Variants in MLXIP observed in about 807,000 individuals in gnomAD.
MLXIP encodes the protein MLX-interacting protein.
In MLXIP, 30 loss-of-function variants were observed where a neutral mutation model predicts 87.2. The observed-to-expected ratio is 0.34, with a 90% CI of 0.26 to 0.47. The LOEUF (loss-of-function observed/expected upper bound fraction) is 0.47. Ranked by LOEUF, MLXIP falls within the 20% of genes least tolerant of loss-of-function variation. MLXIP has a pLI of 1.00. For missense variants in MLXIP, 1,002 were observed against 1,240.1 expected (o/e 0.81, Z 2.88); for synonymous variants, 530 against 514.0 (o/e 1.03, Z -0.42).
rs370691640 is a variant in MLXIP, at chr12:122,140,921, C to T, written c.2509-33C>T. On this transcript the variant is annotated intron_variant, in intron 15 of 16. Transcript: ENST00000319080. ...GGGTCTGCAGTCCCCAGCCCCTCTC[C>T]GTGCTTGCCTTTTCTTTAACCACAC... is the stretch of plus-strand genomic sequence containing the variant. The T allele has an allele frequency of 1.1e-3, 1,821 of 1,613,938 alleles. 36 individuals carry two copies. In the South Asian group the frequency reaches 0.015, roughly 13 times the overall value.
chr12:122,142,048 C>A lies in MLXIP; in HGVS notation c.*236C>A. On this transcript the variant is annotated 3_prime_UTR_variant, in exon 17 of 17. Transcript: ENST00000319080. ...TGTGAACTCTCTCACTCAGTGACCT[C>A]AGTCACCAACCTCCTCTGCCCTCGG... The A allele has an allele frequency of 1.5e-6, 1 of 672,452 alleles. No individual in the cohort carries two copies. Among genetic ancestry groups the A allele is most frequent in the Non-Finnish European group, 2.6e-6 (1 of 381,006 alleles). The allele number at this position is 672,452 out of a possible 1,614,324, so 41.7% of individuals were successfully genotyped here.
intron 1 of MLXIP, among the ~76,000 whole-genome samples, chr12:122,119,010 C>T (rs1952735920): frequency 6.6e-6 from 1 of 151,370 alleles, no homozygotes; most frequent in Non-Finnish European, 1.5e-5. Context: ...ACTAAAAATA[C>T]AAAAAATTAG....
chr12:122,096,588 C>T (rs1431713738), intron 1 of MLXIP, among the ~76,000 whole-genome samples: 2 of 152,222 alleles, frequency 1.3e-5, no homozygotes, highest in South Asian at 2.1e-4. Flanking sequence ...GGTCAGCAGG[C>T]GCGGAGCTGA....
rs144117236 is a variant in MLXIP, at chr12:122,120,250, T to A, written c.414-7006T>A. On this transcript the variant is annotated intron_variant, in intron 1 of 16. Transcript: ENST00000319080. ...TTTCTTTTCTTCTTTTGAGACAGGG[T>A]CTTGCCCTGTCACCCAGGCTGGAGT... 2.7e-3 allele frequency among the ~76,000 whole-genome samples: 416 copies of A among 151,918 alleles called. 2 individuals are homozygous for A. The highest frequency in any genetic ancestry group is 0.01 in the Admixed American group (157 of 15,238).
chr12:122,111,625 A>G (rs912575145), intron 1 of MLXIP, among the ~76,000 whole-genome samples: 1 of 152,226 alleles, frequency 6.6e-6, no homozygotes, highest in African/African-American at 2.4e-5. Flanking sequence ...AGGTGGGGCT[A>G]TGTCAAACAC....
chr12:122,095,836 A>AGT (rs1172724036), intron 1 of MLXIP, among the ~76,000 whole-genome samples: 1 of 151,262 alleles, frequency 6.6e-6, no homozygotes, highest in Non-Finnish European at 1.5e-5. Context: ...TTGCATGGTG[A>AGT]GTATATATAT....
chr12:122,113,683 T>TTTTTTTC (rs1952639692), intron 1 of MLXIP, among the ~76,000 whole-genome samples: 1 of 80,298 alleles, frequency 1.2e-5, no homozygotes, highest in Non-Finnish European at 2.6e-5. Context: ...CTTCATTTCT[T>TTTTTTTC]TTTTTTTTTT....
At chr12:122,132,212 G>A (rs7955571) in intron 7 of MLXIP, 80 bp from the exon 8 acceptor site, 586,917 of 1,131,372 alleles carry the variant, frequency 0.52, 153,920 homozygotes, top group Admixed American at 0.59. Flanking sequence ...ATGAGCCACC[G>A]TGCCTGGCCC....
chr12:122,105,772 T>A (rs1952509423), intron 1 of MLXIP, among the ~76,000 whole-genome samples: 1 of 150,768 alleles, frequency 6.6e-6, no homozygotes, highest in Non-Finnish European at 1.5e-5. Context: ...AGAGCGGGAC[T>A]CCGTCTCAAA....
rs551872601 is a variant in MLXIP, at chr12:122,143,285, A to T, written c.*1473A>T. On this transcript the variant is annotated 3_prime_UTR_variant, in exon 17 of 17. Transcript: ENST00000319080. The stretch of plus-strand genomic sequence containing the variant: ...TGTCCCACAGTTTAGATCCAGTTGG[A>T]GGTTCTCCCTGGCTCCTGCAGGCCT... 1 of 152,264 alleles carries T rather than the reference A, an allele frequency of 6.6e-6. No homozygotes were observed. Among genetic ancestry groups the T allele is most frequent in the Non-Finnish European group, 1.5e-5 (1 of 68,116 alleles). 9.4% of individuals were successfully genotyped at this position (152,264 alleles called of 1,614,324 possible). A position where few individuals can be genotyped will look rare whatever the true frequency, so the allele number is the denominator to read the frequency against.
chr12:122,099,756 A>G (rs1283592510), intron 1 of MLXIP, among the ~76,000 whole-genome samples: 3 of 152,208 alleles, frequency 2.0e-5, no homozygotes, highest in Admixed American at 6.5e-5. Flanking sequence ...TTGTGTGGCT[A>G]TATGAGGAAT....
Position 122,103,189 on chromosome 12 carries a change from A to G in MLXIP, c.413+23923A>G, listed in dbSNP as rs191966187. On this transcript the variant is annotated intron_variant, in intron 1 of 16. Transcript: ENST00000319080. ...TGGCTAATTTTATATGTATGTATGT[A>G]TGTATGTATGTATTTATTTATTTAT... 1.8e-3 allele frequency among the ~76,000 whole-genome samples: 110 copies of G among 60,332 alleles called. 1 individual carries two copies. Among genetic ancestry groups the G allele is most frequent in the African/African-American group, 9.1e-3 (105 of 11,588 alleles). The allele number at this position is 60,332 out of a possible 152,430, so 39.6% of individuals were successfully genotyped here. A position where few individuals can be genotyped will look rare whatever the true frequency, so the allele number is the denominator to read the frequency against.
In MLXIP at chr12:122,079,007, G is replaced by T; in HGVS notation, c.154G>T (p.Ala52Ser). ...PASGAATPAR[A>S]HASAAPPPPR... ...CTCCGGCGCGGCCACCCCGGCCCGG[G>T]CCCACGCGAGCGCCGCGCCACCGCC... The change falls in exon 1 of 17, where the codon GCC (alanine) becomes TCC (serine). Residue 52 changes from alanine to serine, a missense_variant. This residue lies in a region of MLXIP where 129 missense variants were observed against 104.2 expected (regional missense o/e 1.24). Coordinates refer to ENST00000319080, the MANE Select transcript of MLXIP (RefSeq NM_014938.6). The T allele has an allele frequency of 8.2e-7, 1 of 1,219,098 alleles. No homozygotes were observed. The highest frequency in any genetic ancestry group is 1.0e-6 in the Non-Finnish European group (1 of 977,572). The allele number at this position is 1,219,098 out of a possible 1,614,324, so 75.5% of individuals were successfully genotyped here.
intron 1 of MLXIP, among the ~76,000 whole-genome samples, chr12:122,100,108 CTGG>C (rs761172513): frequency 3.3e-5 from 5 of 152,032 alleles, no homozygotes; most frequent in Non-Finnish European, 5.9e-5. Context: ...GAGTGTAGAC[CTGG>C]TGAACAGAGC....
At position 122,144,600 on chromosome 12, in the gene MLXIP, T is replaced by C. The variant is rs970746693; in HGVS notation, c.*2788T>C. On this transcript the variant is annotated 3_prime_UTR_variant, in exon 17 of 17. Coordinates refer to ENST00000319080, the MANE Select transcript of MLXIP (RefSeq NM_014938.6). ...AACCCTGCCTCTAAATAAAAGAAAA[T>C]AGAGGCAGACTGTGGTGGCTCACGC... is the stretch of plus-strand genomic sequence containing the variant. 1 of 150,024 alleles carries C rather than the reference T, an allele frequency of 6.7e-6. No individual in the cohort carries two copies. Among genetic ancestry groups the C allele is most frequent in the African/African-American group, 2.5e-5 (1 of 40,636 alleles). 9.3% of individuals were successfully genotyped at this position (150,024 alleles called of 1,614,324 possible).
At chr12:122,081,765 T>G (rs1593052710) in intron 1 of MLXIP, among the ~76,000 whole-genome samples, 1 of 152,318 alleles carries the variant, frequency 6.6e-6, no homozygotes, top group South Asian at 2.1e-4. Context: ...ATGCCTTCCC[T>G]GCCGGCTGTC....
intron 1 of MLXIP, among the ~76,000 whole-genome samples, chr12:122,103,350 A>G (rs1437297578): frequency 1.3e-5 from 2 of 151,712 alleles, no homozygotes; most frequent in Admixed American, 1.3e-4. Flanking sequence ...TCAATCTCCT[A>G]AGTAGCTGGG....
At chr12:122,093,053 T>C (rs1412264358) in intron 1 of MLXIP, among the ~76,000 whole-genome samples, 2 of 150,164 alleles carry the variant, frequency 1.3e-5, no homozygotes, top group Non-Finnish European at 3.0e-5. Context: ...GTATGGTGTG[T>C]GTGGTGTGCA....
At chr12:122,130,163 T>C in intron 6 of MLXIP, 51 bp downstream of exon 6, 1 of 1,555,364 alleles carries the variant, frequency 6.4e-7, no homozygotes, top group Non-Finnish European at 8.7e-7. Flanking sequence ...CTTCCTTCTC[T>C]GCCAGGCCCC....
Sources: allele counts gnomAD v4.1 joint callset (sites outside exome capture counted in the v4.1 genomes callset), GRCh38; gene constraint gnomAD v4.1.1; regional missense constraint gnomAD v4.1.1; transcripts MANE v1.5; gene names NCBI Gene and HGNC (gene_info 2026-07-23, HGNC 2026-07-21).